C8orf34: variants seen among roughly 807,000 people sequenced by gnomAD.
C8orf34 encodes the protein uncharacterized protein C8orf34.
A neutral mutation model predicts 68.3 loss-of-function variants in C8orf34; 65 were observed. The ratio of observed to expected loss-of-function variants is 0.95; its 90% CI spans 0.78 to 1.17. The LOEUF is 1.17. C8orf34 is among the 50% of genes most tolerant of loss of function. The pLI is 0.00. For synonymous variants in C8orf34, 244 were observed against 241.2 expected (o/e 1.01, Z -0.11); for missense variants, 664 against 655.4 (o/e 1.01, Z -0.14).
chr8:68,713,894 A>G (rs1387270726), intron 9 of C8orf34, among the ~76,000 whole-genome samples: 1 of 152,192 alleles, frequency 6.6e-6, no homozygotes, highest in Non-Finnish European at 1.5e-5. Context: ...ACATCCTCAC[A>G]AAATACTAGT....
At chr8:68,423,714 C>T (rs1332995853) in intron 1 of C8orf34, among the ~76,000 whole-genome samples, 7 of 152,110 alleles carry the variant, frequency 4.6e-5, no homozygotes, top group Non-Finnish European at 7.3e-5. Flanking sequence ...TTAGGCTGCT[C>T]TAACACTGCT....
intron 11 of C8orf34, among the ~76,000 whole-genome samples, chr8:68,780,384 G>A (rs1036777854): frequency 1.3e-5 from 2 of 152,154 alleles, no homozygotes; most frequent in East Asian, 1.9e-4. Flanking sequence ...AGTGGAATGA[G>A]TTGGAAAAGA....
At chr8:68,674,100 A>G (rs190702217) in intron 8 of C8orf34, among the ~76,000 whole-genome samples, 35 of 152,290 alleles carry the variant, frequency 2.3e-4, no homozygotes, top group Non-Finnish European at 4.0e-4. Flanking sequence ...AAATGCAAAT[A>G]TGGCTGCAGT....
At chr8:68,636,679 T>A (rs1585651786) in intron 7 of C8orf34, among the ~76,000 whole-genome samples, 1 of 152,238 alleles carries the variant, frequency 6.6e-6, no homozygotes, top group Non-Finnish European at 1.5e-5. Flanking sequence ...AAAGGTAAGG[T>A]GAGAGATCCC....
chr8:68,817,183 A>G (rs1824845348), intron 13 of C8orf34, among the ~76,000 whole-genome samples: 1 of 152,196 alleles, frequency 6.6e-6, no homozygotes, highest in Non-Finnish European at 1.5e-5. Context: ...TGTGGAGAAG[A>G]AACACAGTGA....
chr8:68,532,571 G>A (rs951605018), intron 6 of C8orf34, among the ~76,000 whole-genome samples: 1 of 152,098 alleles, frequency 6.6e-6, no homozygotes, highest in African/African-American at 2.4e-5. Flanking sequence ...AATTAAAGTT[G>A]AGTATTTTAA....
intron 8 of C8orf34, among the ~76,000 whole-genome samples, chr8:68,707,523 G>T (rs891776696): frequency 5.9e-5 from 9 of 152,090 alleles, no homozygotes; most frequent in African/African-American, 2.2e-4. Flanking sequence ...ACTATTTTAA[G>T]ATCTTGCTTC....
At chr8:68,421,437 C>T (rs952075549) in intron 1 of C8orf34, among the ~76,000 whole-genome samples, 3 of 152,224 alleles carry the variant, frequency 2.0e-5, no homozygotes, top group African/African-American at 7.2e-5. Context: ...CTTGCTTTCT[C>T]TTGCCAAAGG....
At chr8:68,696,542 G>C (rs1409421047) in intron 8 of C8orf34, among the ~76,000 whole-genome samples, 1 of 151,504 alleles carries the variant, frequency 6.6e-6, no homozygotes, top group Non-Finnish European at 1.5e-5. Context: ...TGATGATTCA[G>C]AAGAGATACA....
In C8orf34 at chr8:68,810,969, A is replaced by G. The variant is rs1193510308; in HGVS notation, c.1550-4917A>G. ...CAGCCCAGCCCCCAGGCTTCAGTCC[A>G]TGCACAGCTTAAAGGTAGAGCTTTA... is the stretch of plus-strand genomic sequence containing the variant. On this transcript the variant is annotated intron_variant, in intron 12 of 13. Coordinates refer to ENST00000518698, the MANE Select transcript of C8orf34 (RefSeq NM_052958.4). Among the ~76,000 whole-genome samples the G allele has an allele frequency of 7.2e-5, 11 of 152,150 alleles. No homozygotes were observed. In the East Asian group the frequency reaches 2.1e-3, roughly 29 times the overall value.
chr8:68,583,651 C>T (rs1244172430), intron 7 of C8orf34, among the ~76,000 whole-genome samples: 1 of 152,106 alleles, frequency 6.6e-6, no homozygotes, highest in African/African-American at 2.4e-5. Flanking sequence ...AAATTGTTCT[C>T]ACCAAGGGTG....
At chr8:68,492,675 T>C (rs947851027) in intron 5 of C8orf34, among the ~76,000 whole-genome samples, 1 of 152,052 alleles carries the variant, frequency 6.6e-6, no homozygotes, top group African/African-American at 2.4e-5. Context: ...TTCTAGGTCA[T>C]AGTTTTATTT....
At chr8:68,812,222 T>C (rs761723110) in intron 12 of C8orf34, among the ~76,000 whole-genome samples, 58 of 152,200 alleles carry the variant, frequency 3.8e-4, no homozygotes, top group Admixed American at 7.9e-4. Context: ...GGGAGCCATA[T>C]ATGATAAACA....
At chr8:68,773,094 A>C (rs1229440023) in intron 10 of C8orf34, among the ~76,000 whole-genome samples, 1 of 152,156 alleles carries the variant, frequency 6.6e-6, no homozygotes, top group Non-Finnish European at 1.5e-5. Flanking sequence ...AATTCTTTAA[A>C]ATTAAGAAAA....
At chr8:68,637,105 A>G (rs2130721680) in intron 7 of C8orf34, among the ~76,000 whole-genome samples, 1 of 152,336 alleles carries the variant, frequency 6.6e-6, no homozygotes, top group African/African-American at 2.4e-5. Context: ...CAGCAATGGT[A>G]CATATACCAC....
intron 1 of C8orf34, among the ~76,000 whole-genome samples, chr8:68,421,290 A>C (rs537434415): frequency 6.6e-6 from 1 of 152,354 alleles, no homozygotes; most frequent in South Asian, 2.1e-4. Flanking sequence ...ACTAGAAAGA[A>C]TAACTATGTG....
chr8:68,746,538 A>G (rs1313154415), intron 10 of C8orf34, among the ~76,000 whole-genome samples: 6 of 123,218 alleles, frequency 4.9e-5, no homozygotes, highest in Admixed American at 8.9e-5. Context: ...GCAATAAAAA[A>G]TGATAAAGGG....
intron 5 of C8orf34, among the ~76,000 whole-genome samples, chr8:68,504,183 T>C (rs942895591): frequency 6.6e-6 from 1 of 152,248 alleles, no homozygotes; most frequent in Non-Finnish European, 1.5e-5. Flanking sequence ...TGTAATCATA[T>C]AGTATGTGAC....
chr8:68,730,621 G>A (rs555053064), intron 10 of C8orf34, among the ~76,000 whole-genome samples: 3 of 152,188 alleles, frequency 2.0e-5, no homozygotes, highest in African/African-American at 7.2e-5. Context: ...ATGATAAAGT[G>A]TGATCTAATA....
Sources: allele counts gnomAD v4.1 joint callset (sites outside exome capture counted in the v4.1 genomes callset), GRCh38; gene constraint gnomAD v4.1.1; transcripts MANE v1.5; gene names NCBI Gene and HGNC (gene_info 2026-07-23, HGNC 2026-07-21).